Variants in CTNNA2 observed in about 807,000 individuals in gnomAD.
CTNNA2 encodes the protein catenin alpha-2.
In CTNNA2, 42 loss-of-function variants were observed where a neutral mutation model predicts 101.0. That is an observed-to-expected ratio of 0.42 (90% CI 0.32 to 0.54). CTNNA2 has a LOEUF of 0.54. Among genes scored for constraint, CTNNA2 ranks in the 20% least tolerant of loss-of-function variants. The pLI is 0.14. For missense variants in CTNNA2, 871 were observed against 1,223.1 expected, an observed-to-expected ratio of 0.71 and a Z score of 4.29; for synonymous variants, 450 against 456.4, an observed-to-expected ratio of 0.99 and a Z score of 0.18.
At chr2:80,622,718 C>T (rs1419158850) in intron 18 of CTNNA2, among the ~76,000 whole-genome samples, 1 of 151,768 alleles carries the variant, frequency 6.6e-6, no homozygotes, top group African/African-American at 2.4e-5. Flanking sequence ...TATTTTGCCT[C>T]ACGTAGGGAA....
intron 2 of CTNNA2, among the ~76,000 whole-genome samples, chr2:79,655,617 T>G (rs1681555667): frequency 6.6e-6 from 1 of 152,042 alleles, no homozygotes; most frequent in South Asian, 2.1e-4. Context: ...TCACTTGAAG[T>G]CAGGAGTTCG....
At chr2:79,223,000 A>T (rs1674364404) in intron 2 of CTNNA2, among the ~76,000 whole-genome samples, 1 of 152,012 alleles carries the variant, frequency 6.6e-6, no homozygotes, top group Non-Finnish European at 1.5e-5. Flanking sequence ...TAAAAAAAAA[A>T]ATTAGCCAGG....
chr2:79,337,411 A>G (rs1359763090), intron 3 of CTNNA2, among the ~76,000 whole-genome samples: 2 of 152,230 alleles, frequency 1.3e-5, no homozygotes, highest in Non-Finnish European at 2.9e-5. Context: ...CACTTTTCAA[A>G]AGAAAATGTA....
chr2:79,739,554 C>CT (rs1398348807), intron 2 of CTNNA2, among the ~76,000 whole-genome samples: 1 of 152,084 alleles, frequency 6.6e-6, no homozygotes, highest in Non-Finnish European at 1.5e-5. Context: ...TGATATTTGC[C>CT]TTTTTTAAAA....
rs140432724 is a variant in CTNNA2, at chr2:79,715,205, CAAAAAAAAA to C, written c.103-29166_103-29158del. ...CTGGGCAACAAGAGCAAAATTCCGT[CAAAAAAAAA>C]AAAAAAAAAAAAAAACCCACAGAGG... On this transcript the variant is annotated intron_variant, in intron 2 of 18. Coordinates refer to ENST00000402739, the MANE Select transcript of CTNNA2 (RefSeq NM_001282597.3). Among the ~76,000 whole-genome samples, 5 of 66,314 alleles carry C rather than the reference CAAAAAAAAA, an allele frequency of 7.5e-5. No individual in the cohort carries two copies. The Admixed American group carries it at 7.7e-4, about 10-fold the overall frequency. The allele number at this position is 66,314 out of a possible 152,430, so 43.5% of individuals were successfully genotyped here. A position where few individuals can be genotyped will look rare whatever the true frequency, so the allele number is the denominator to read the frequency against.
At chr2:79,790,042 A>G (rs1422398569) in intron 3 of CTNNA2, among the ~76,000 whole-genome samples, 3 of 152,198 alleles carry the variant, frequency 2.0e-5, no homozygotes, top group East Asian at 3.9e-4. Context: ...CACCTCAGGG[A>G]ATATTTACAT....
Position 80,389,079 on chromosome 2 carries a change from G to A in CTNNA2, c.1057-4132G>A, listed in dbSNP as rs181470216. Among the ~76,000 whole-genome samples the A allele has an allele frequency of 3.1e-3, 475 of 152,246 alleles. 2 individuals carry two copies. Among genetic ancestry groups the A allele is most frequent in the African/African-American group, 0.011 (447 of 41,556 alleles). On this transcript the variant is annotated intron_variant, in intron 7 of 18. Coordinates refer to ENST00000402739, the MANE Select transcript of CTNNA2 (RefSeq NM_001282597.3). ...GATACCAGTTTTTGGCAAGGTTTTCGTACATTATCTGCCTGGATGGAGAAA... is the reference window on the plus strand; with the variant it reads ...GATACCAGTTTTTGGCAAGGTTTTCATACATTATCTGCCTGGATGGAGAAA...
At position 80,581,816 on chromosome 2, in the gene CTNNA2, A is replaced by G; in HGVS notation, c.2004A>G (p.Ala668=). The change falls in exon 14 of 19, where the codon GCA becomes GCG. Residue 668 remains alanine, a synonymous_variant. Transcript: ENST00000402739. ...ACCAGCTCATTGCAGGGCAGAGCGC[A>G]CGGGTGAGTGGACACCTAAGACTTT... ...EDDQLIAGQS[A]RAIMAQLPQE... is the part of the protein sequence containing the mutation. The G allele has an allele frequency of 1.3e-6, 2 of 1,587,134 alleles. No individual in the cohort carries two copies. The highest frequency in any genetic ancestry group is 4.5e-5 in the East Asian group (2 of 44,718).
At chr2:80,424,981 A>G (rs1680867479) in intron 9 of CTNNA2, among the ~76,000 whole-genome samples, 3 of 152,154 alleles carry the variant, frequency 2.0e-5, no homozygotes. Context: ...CCTCAGCCCT[A>G]TGAGATTGCT....
At chr2:80,206,393 G>A (rs1707535103) in intron 7 of CTNNA2, among the ~76,000 whole-genome samples, 1 of 152,142 alleles carries the variant, frequency 6.6e-6, no homozygotes, top group Admixed American at 6.6e-5. Context: ...TGCATTATTT[G>A]GGGCTAAACT....
intron 7 of CTNNA2, among the ~76,000 whole-genome samples, chr2:80,001,292 G>A: frequency 6.6e-6 from 1 of 152,118 alleles, no homozygotes; most frequent in East Asian, 1.9e-4. Context: ...CTAGGGTTAT[G>A]GCCAAACTCA....
At chr2:79,630,577 A>G (rs1017403172) in intron 1 of CTNNA2, among the ~76,000 whole-genome samples, 2 of 152,220 alleles carry the variant, frequency 1.3e-5, no homozygotes, top group African/African-American at 4.8e-5. Context: ...CACAGAAACA[A>G]ATAGTCCAGC....
upstream of CTNNA2, among the ~76,000 whole-genome samples, chr2:79,509,007 A>G (rs1266186564): frequency 2.0e-5 from 2 of 99,162 alleles, no homozygotes; most frequent in East Asian, 6.0e-4. Context: ...ATATATATAT[A>G]TATATAAACA....
chr2:80,352,780 A>T (rs1673428010), intron 7 of CTNNA2, among the ~76,000 whole-genome samples: 1 of 152,118 alleles, frequency 6.6e-6, no homozygotes, highest in Admixed American at 6.6e-5. Context: ...ATTTGAGTTT[A>T]TTATAAGACA....
intron 1 of CTNNA2, among the ~76,000 whole-genome samples, chr2:79,590,933 C>G (rs1676807504): frequency 1.3e-5 from 2 of 152,006 alleles, no homozygotes; most frequent in East Asian, 1.9e-4. Flanking sequence ...ATCAGTTTTA[C>G]CATTTTGTTT....
intron 7 of CTNNA2, among the ~76,000 whole-genome samples, chr2:80,275,176 A>T (rs1161340782): frequency 6.6e-6 from 1 of 152,144 alleles, no homozygotes; most frequent in African/African-American, 2.4e-5. Flanking sequence ...TCACATGAAG[A>T]TGTGTTAGTT....
chr2:79,778,511 A>G (rs915765710), intron 3 of CTNNA2, among the ~76,000 whole-genome samples: 6 of 152,196 alleles, frequency 3.9e-5, no homozygotes, highest in African/African-American at 1.4e-4. Context: ...AAAAAAACCT[A>G]CTTGGTCATG....
intron 7 of CTNNA2, among the ~76,000 whole-genome samples, chr2:80,147,306 T>C (rs1703408794): frequency 6.6e-6 from 1 of 152,098 alleles, no homozygotes; most frequent in African/African-American, 2.4e-5. Flanking sequence ...TTCACCATGT[T>C]AGCCAGGCTG....
At chr2:80,146,572 T>G (rs1197872455) in intron 7 of CTNNA2, among the ~76,000 whole-genome samples, 2 of 152,140 alleles carry the variant, frequency 1.3e-5, no homozygotes, top group African/African-American at 2.4e-5. Context: ...CTTACCCACT[T>G]ACTCTTTCTT....
Sources: allele counts gnomAD v4.1 joint callset (sites outside exome capture counted in the v4.1 genomes callset), GRCh38; gene constraint gnomAD v4.1.1; transcripts MANE v1.5; gene names NCBI Gene and HGNC (gene_info 2026-07-23, HGNC 2026-07-21).